Variants in ZFAND3 observed in about 807,000 individuals in gnomAD.
ZFAND3 encodes the protein AN1-type zinc finger protein 3.
A neutral mutation model predicts 29.6 loss-of-function variants in ZFAND3; 10 were observed. That is an observed-to-expected ratio of 0.34 (90% CI 0.21 to 0.57). ZFAND3 has a LOEUF of 0.57. Ranked by LOEUF, ZFAND3 falls within the 20% of genes least tolerant of loss-of-function variation. The pLI, the probability that ZFAND3 is intolerant of heterozygous loss-of-function variation, is 0.86. For missense variants in ZFAND3, 230 were observed against 304.5 expected, an observed-to-expected ratio of 0.76 and a Z score of 1.82; for synonymous variants, 128 against 112.6, an observed-to-expected ratio of 1.14 and a Z score of -0.87.
chr6:38,065,967 G>A (rs1317310197), intron 3 of ZFAND3, among the ~76,000 whole-genome samples: 1 of 152,182 alleles, frequency 6.6e-6, no homozygotes, highest in Non-Finnish European at 1.5e-5. Flanking sequence ...TAAATAAGGA[G>A]GTCACCTTTT....
At position 38,003,846 on chromosome 6, in the gene ZFAND3, T is replaced by C. The variant is rs937234546; in HGVS notation, c.113-57747T>C. ...CATTGCTATTTGTATATCTTTTTCC[T>C]TCTGCCTTCAGGGAACCCCTCAATC... On this transcript the variant is annotated intron_variant, in intron 2 of 5. Transcript: ENST00000287218. 3 of 446,786 alleles carry C rather than the reference T, an allele frequency of 6.7e-6. No individual in the cohort carries two copies. In the Admixed American group the frequency reaches 7.2e-5, roughly 11 times the overall value. The allele number at this position is 446,786 out of a possible 1,614,324, so 27.7% of individuals were successfully genotyped here.
At chr6:37,956,625 A>G (rs1762089867) in intron 2 of ZFAND3, among the ~76,000 whole-genome samples, 1 of 152,208 alleles carries the variant, frequency 6.6e-6, no homozygotes, top group South Asian at 2.1e-4. Flanking sequence ...GTTATTTGTG[A>G]TCTTGGAGAG....
intron 1 of ZFAND3, among the ~76,000 whole-genome samples, chr6:37,906,699 T>G (rs1285516194): frequency 1.0e-5 from 1 of 97,488 alleles, no homozygotes; most frequent in Non-Finnish European, 2.3e-5. Flanking sequence ...ACTTACTTTC[T>G]GTTTTTTTTT....
intron 2 of ZFAND3, among the ~76,000 whole-genome samples, chr6:37,994,152 C>CA (rs766897016): frequency 1.3e-5 from 2 of 151,348 alleles, no homozygotes; most frequent in Admixed American, 6.6e-5. Context: ...GCTTCTGTTA[C>CA]AAAAAATATG....
intron 2 of ZFAND3, among the ~76,000 whole-genome samples, chr6:37,956,701 A>G (rs760876814): frequency 1.3e-5 from 2 of 152,200 alleles, no homozygotes; most frequent in Non-Finnish European, 2.9e-5. Context: ...CCCTTCAGAA[A>G]AATGTGCAAG....
chr6:37,842,855 C>T (rs1233404680), intron 1 of ZFAND3, among the ~76,000 whole-genome samples: 1 of 152,136 alleles, frequency 6.6e-6, no homozygotes, highest in Non-Finnish European at 1.5e-5. Flanking sequence ...GGTGTGGTGG[C>T]TCACGCCTGT....
chr6:37,825,684 T>C (rs1763745621), intron 1 of ZFAND3, among the ~76,000 whole-genome samples: 1 of 152,192 alleles, frequency 6.6e-6, no homozygotes, highest in Admixed American at 6.5e-5. Context: ...TTCTAAACTT[T>C]AAATCATACT....
intron 2 of ZFAND3, among the ~76,000 whole-genome samples, chr6:38,045,019 T>A (rs1046790673): frequency 1.5e-4 from 23 of 151,932 alleles, no homozygotes; most frequent in Non-Finnish European, 2.1e-4. Flanking sequence ...TAAAACCTGT[T>A]TAGTTATAGC....
chr6:38,118,751 A>T (rs1158577365), intron 5 of ZFAND3, among the ~76,000 whole-genome samples: 1 of 114,416 alleles, frequency 8.7e-6, no homozygotes, highest in Non-Finnish European at 2.0e-5. Context: ...CTTAGCATCC[A>T]CCTGAAAAAA....
intron 5 of ZFAND3, among the ~76,000 whole-genome samples, chr6:38,129,889 A>C (rs561054916): frequency 7.3e-5 from 11 of 151,650 alleles, no homozygotes; most frequent in African/African-American, 2.7e-4. Flanking sequence ...AATTGCACTG[A>C]ATTTGTAGAT....
intron 2 of ZFAND3, among the ~76,000 whole-genome samples, chr6:38,042,242 A>G (rs1763804250): frequency 6.6e-6 from 1 of 152,114 alleles, no homozygotes; most frequent in Admixed American, 6.5e-5. Context: ...GACTAAGTAA[A>G]TCACACTTTT....
chr6:38,073,336 G>GAA (rs569460054), intron 3 of ZFAND3, among the ~76,000 whole-genome samples: 25 of 117,964 alleles, frequency 2.1e-4, no homozygotes, highest in Non-Finnish European at 2.7e-4. Flanking sequence ...AACTATGTTT[G>GAA]AAAAAAAAAA....
intron 1 of ZFAND3, among the ~76,000 whole-genome samples, chr6:37,884,486 C>T (rs1448581826): frequency 1.0e-4 from 9 of 89,734 alleles, no homozygotes; most frequent in Non-Finnish European, 1.6e-4. Context: ...AAGAGCGAAA[C>T]TCTAGCTCAA....
chr6:37,844,484 T>C (rs1302835110), intron 1 of ZFAND3, among the ~76,000 whole-genome samples: 6 of 151,760 alleles, frequency 4.0e-5, no homozygotes, highest in African/African-American at 1.5e-4. Context: ...GGTTTCACCA[T>C]GTTAGCCAGG....
At chr6:37,838,521 A>G (rs1396972082) in intron 1 of ZFAND3, among the ~76,000 whole-genome samples, 1 of 152,156 alleles carries the variant, frequency 6.6e-6, no homozygotes, top group African/African-American at 2.4e-5. Context: ...ACATGAATCT[A>G]CTTTCTGGTT....
intron 2 of ZFAND3, among the ~76,000 whole-genome samples, chr6:38,036,648 A>AGATTAT (rs1180653902): frequency 6.6e-6 from 1 of 152,204 alleles, no homozygotes; most frequent in Non-Finnish European, 1.5e-5. Context: ...CATCAAGTAG[A>AGATTAT]GATTATCAAT....
intron 1 of ZFAND3, among the ~76,000 whole-genome samples, chr6:37,837,271 A>C (rs1301682110): frequency 6.6e-6 from 1 of 152,214 alleles, no homozygotes. Context: ...TCAATATGAC[A>C]CAAGAAGAAA....
chr6:37,888,824 A>G (rs1362067488), intron 1 of ZFAND3, among the ~76,000 whole-genome samples: 1 of 152,216 alleles, frequency 6.6e-6, no homozygotes, highest in East Asian at 1.9e-4. Context: ...TTTCTACTAT[A>G]TGGTAATTGA....
intron 5 of ZFAND3, among the ~76,000 whole-genome samples, chr6:38,137,198 C>T (rs1348936282): frequency 6.6e-6 from 1 of 152,176 alleles, no homozygotes; most frequent in Non-Finnish European, 1.5e-5. Flanking sequence ...CAAGTGTAGG[C>T]TCCTATGAAT....
Sources: allele counts gnomAD v4.1 joint callset (sites outside exome capture counted in the v4.1 genomes callset), GRCh38; gene constraint gnomAD v4.1.1; transcripts MANE v1.5; gene names NCBI Gene and HGNC (gene_info 2026-07-23, HGNC 2026-07-21).